Variants in TGFBR3 observed in about 807,000 individuals in gnomAD.
TGFBR3 encodes the protein transforming growth factor beta receptor 3.
In TGFBR3, 46 loss-of-function variants were observed where a neutral mutation model predicts 87.9. That is an observed-to-expected ratio of 0.52 (90% CI 0.41 to 0.67). TGFBR3 has a LOEUF of 0.67. Ranked by LOEUF, TGFBR3 falls within the 30% of genes least tolerant of loss-of-function variation. The pLI, the probability that TGFBR3 is intolerant of heterozygous loss-of-function variation, is 0.00. For synonymous variants in TGFBR3, 381 were observed against 391.6 expected (o/e 0.97, Z 0.32); for missense variants, 866 against 1,041.9 (o/e 0.83, Z 2.32).
intron 6 of TGFBR3, among the ~76,000 whole-genome samples, chr1:91,729,600 T>C (rs1672690640): frequency 6.6e-6 from 1 of 152,200 alleles, no homozygotes; most frequent in South Asian, 2.1e-4. Flanking sequence ...GCCTTTACTC[T>C]GTTCTTCAAA....
chr1:91,794,998 T>C (rs1174138794), intron 3 of TGFBR3, among the ~76,000 whole-genome samples: 2 of 152,272 alleles, frequency 1.3e-5, no homozygotes, highest in South Asian at 2.1e-4. Flanking sequence ...GAGTGAGCGA[T>C]ATTTAATCCT....
intron 3 of TGFBR3, among the ~76,000 whole-genome samples, chr1:91,764,685 CACAG>C (rs1674109925): frequency 1.3e-5 from 2 of 152,280 alleles, no homozygotes; most frequent in Non-Finnish European, 2.9e-5. Context: ...AGTCTGAGGA[CACAG>C]ACAGGCACTT....
intron 2 of TGFBR3, among the ~76,000 whole-genome samples, chr1:91,824,458 G>A (rs577827799): frequency 7.2e-5 from 11 of 152,144 alleles, no homozygotes; most frequent in Non-Finnish European, 1.3e-4. Context: ...ACAGACAGCC[G>A]AAGGCTGCAA....
chr1:91,682,054 A>G lies in TGFBR3; in HGVS notation c.*1685T>C, dbSNP rs1670927019. ...TAAAATGTTCCTTATTGAAAAAAAA[A>G]AATGTTCCTTATTGAATGTGTATAT... On this transcript the variant is annotated 3_prime_UTR_variant, in exon 17 of 17. Coordinates refer to ENST00000212355, the MANE Select transcript of TGFBR3 (RefSeq NM_003243.5). 2 of 453,868 alleles carry G rather than the reference A, an allele frequency of 4.4e-6. No homozygotes were observed. Among genetic ancestry groups the G allele is most frequent in the African/African-American group, 4.0e-5 (2 of 49,968 alleles). The allele number at this position is 453,868 out of a possible 1,614,324, so 28.1% of individuals were successfully genotyped here.
chr1:91,875,680 G>T (rs1179796887), intron 1 of TGFBR3, among the ~76,000 whole-genome samples: 1 of 151,034 alleles, frequency 6.6e-6, no homozygotes, highest in Non-Finnish European at 1.5e-5. Context: ...CTGAGGTCAG[G>T]AGTTCAAGAC....
At chr1:91,702,805 G>A (rs1671667940) in intron 14 of TGFBR3, among the ~76,000 whole-genome samples, 1 of 152,338 alleles carries the variant, frequency 6.6e-6, no homozygotes, top group South Asian at 2.1e-4. Flanking sequence ...AGCACTTTGG[G>A]AAGCCGATGC....
intron 1 of TGFBR3, chr1:91,861,917 G>A (rs914131293): frequency 3.7e-5 from 11 of 299,222 alleles, no homozygotes; most frequent in East Asian, 9.4e-5. Flanking sequence ...GCACAGTGGC[G>A]CAGTCTTGGC....
intron 3 of TGFBR3, among the ~76,000 whole-genome samples, chr1:91,782,113 G>A (rs1233062504): frequency 2.6e-5 from 4 of 152,094 alleles, no homozygotes; most frequent in African/African-American, 7.2e-5. Flanking sequence ...ACAACATACC[G>A]AGAGCAATGA....
At chr1:91,807,975 A>C (rs1273974689) in intron 2 of TGFBR3, among the ~76,000 whole-genome samples, 1 of 152,266 alleles carries the variant, frequency 6.6e-6, no homozygotes, top group African/African-American at 2.4e-5. Flanking sequence ...GGGGAAGAGA[A>C]ATAAATGAAT....
chr1:91,693,069 T>G (rs1450003210), intron 16 of TGFBR3, among the ~76,000 whole-genome samples: 1 of 152,164 alleles, frequency 6.6e-6, no homozygotes, highest in Non-Finnish European at 1.5e-5. Context: ...TCTTCCTTAT[T>G]AATCTAAATT....
At chr1:91,789,318 G>A (rs545873984) in intron 3 of TGFBR3, among the ~76,000 whole-genome samples, 2 of 152,096 alleles carry the variant, frequency 1.3e-5, no homozygotes, top group Non-Finnish European at 2.9e-5. Flanking sequence ...AAAAAAAAGG[G>A]GGTGTCAAGG....
intron 1 of TGFBR3, among the ~76,000 whole-genome samples, chr1:91,875,861 A>G (rs1433340571): frequency 7.3e-6 from 1 of 136,294 alleles, no homozygotes; most frequent in Non-Finnish European, 1.6e-5. Flanking sequence ...CAGTGAGCCA[A>G]CGTCGTGCCA....
At chr1:91,867,735 GAATT>G (rs1311879207) in intron 1 of TGFBR3, among the ~76,000 whole-genome samples, 2 of 152,102 alleles carry the variant, frequency 1.3e-5, no homozygotes, top group Non-Finnish European at 2.9e-5. Flanking sequence ...TTTTAAGCTA[GAATT>G]AATAAAGAAC....
intron 4 of TGFBR3, among the ~76,000 whole-genome samples, chr1:91,757,196 TTA>T (rs1673775154): frequency 2.0e-5 from 3 of 152,200 alleles, no homozygotes; most frequent in Admixed American, 2.0e-4. Flanking sequence ...CTTTTGAAGA[TTA>T]TAGGCCAGTT....
At chr1:91,811,630 G>A (rs1676033869) in intron 2 of TGFBR3, among the ~76,000 whole-genome samples, 1 of 152,032 alleles carries the variant, frequency 6.6e-6, no homozygotes, top group Non-Finnish European at 1.5e-5. Context: ...TTCAATAAAA[G>A]GCTAAGAGAG....
intron 2 of TGFBR3, among the ~76,000 whole-genome samples, chr1:91,819,195 G>A (rs960700912): frequency 6.6e-6 from 1 of 151,986 alleles, no homozygotes; most frequent in African/African-American, 2.4e-5. Flanking sequence ...TGGTGAAACC[G>A]TGTCTCTACT....
rs904000217 is a variant in TGFBR3, at chr1:91,682,804, T to A, written c.*935A>T. 2.2e-6 allele frequency: 1 copy of A among 453,836 alleles called. No individual in the cohort carries two copies. The highest frequency in any genetic ancestry group is 4.4e-6 in the Non-Finnish European group (1 of 226,678). 28.1% of individuals were successfully genotyped at this position (453,836 alleles called of 1,614,324 possible). The stretch of plus-strand genomic sequence containing the variant: ...ATTTTCAAATTTTCTCTTCTTCAAC[T>A]GAGAAAATGAATGTGCCAGGTGACA... On this transcript the variant is annotated 3_prime_UTR_variant, in exon 17 of 17. Transcript: ENST00000212355.
intron 7 of TGFBR3, 106 bp from the exon 8 acceptor site, chr1:91,722,250 GAATT>G: frequency 1.0e-6 from 1 of 969,280 alleles, no homozygotes; most frequent in Non-Finnish European, 1.5e-6. Flanking sequence ...GTATATGAGG[GAATT>G]ATTTATTCTT....
chr1:91,849,051 A>G (rs1177855397), intron 2 of TGFBR3, among the ~76,000 whole-genome samples: 1 of 152,142 alleles, frequency 6.6e-6, no homozygotes, highest in African/African-American at 2.4e-5. Flanking sequence ...GTTGGGGAAA[A>G]ATTACAAAAG....
Sources: allele counts gnomAD v4.1 joint callset (sites outside exome capture counted in the v4.1 genomes callset), GRCh38; gene constraint gnomAD v4.1.1; transcripts MANE v1.5; gene names NCBI Gene and HGNC (gene_info 2026-07-23, HGNC 2026-07-21).